Variants in XIRP2 observed in about 807,000 individuals in gnomAD.
XIRP2 encodes the protein xin actin binding repeat containing 2.
Under a neutral mutation model 277.0 loss-of-function variants are expected in XIRP2, and 236 were observed. The ratio of observed to expected loss-of-function variants is 0.85; its 90% CI spans 0.77 to 0.95. The LOEUF is 0.95. Ranked by LOEUF, XIRP2 falls within the 40% of genes least tolerant of loss-of-function variation. The pLI is 0.00. For synonymous variants in XIRP2, 1,490 were observed against 1,416.5 expected, an observed-to-expected ratio of 1.05 and a Z score of -1.17; for missense variants, 4,640 against 4,157.5, an observed-to-expected ratio of 1.12 and a Z score of -3.19.
At chr2:167,000,514 T>G (rs1484353497) in intron 2 of XIRP2, among the ~76,000 whole-genome samples, 7 of 115,018 alleles carry the variant, frequency 6.1e-5, no homozygotes, top group African/African-American at 1.5e-4. Context: ...GGTTTTTTTG[T>G]TTTTTTTTTT....
intron 2 of XIRP2, among the ~76,000 whole-genome samples, chr2:166,979,369 C>CTTTTTTTTTTTTTTTTTTTT (rs66909002): frequency 3.7e-5 from 4 of 108,510 alleles, no homozygotes; most frequent in Non-Finnish European, 7.6e-5. Context: ...CTTTTCTTTT[C>CTTTTTTTTTTTTTTTTTTTT]TTTTTTTTTT....
intron 2 of XIRP2, among the ~76,000 whole-genome samples, chr2:167,093,466 T>C (rs990491168): frequency 6.6e-6 from 1 of 151,974 alleles, no homozygotes; most frequent in Admixed American, 6.6e-5. Context: ...CTCCCTCCCT[T>C]TGCCCCCAAC....
At chr2:166,956,254 A>AT (rs1002994795) in intron 2 of XIRP2, among the ~76,000 whole-genome samples, 11 of 151,892 alleles carry the variant, frequency 7.2e-5, no homozygotes, top group Admixed American at 1.3e-4. Flanking sequence ...TATGATGAGC[A>AT]TTTTTTTGTG....
In XIRP2 at chr2:167,248,234, A is replaced by G. The variant is rs2105443486; in HGVS notation, c.6842A>G (p.Asn2281Ser). 6.2e-7 allele frequency: 1 copy of G among 1,613,636 alleles called. No homozygotes were observed. Among genetic ancestry groups the G allele is most frequent in the Non-Finnish European group, 8.5e-7 (1 of 1,179,734 alleles). The stretch of plus-strand genomic sequence containing the variant: ...CCAATCAACTTTAACCCTGAGAATA[A>G]TGTAAAAGAAAGTGAGTGCCCCCTT... ...LNPINFNPENNVKESECPLPP... is the reference protein window; with the variant it reads ...LNPINFNPENSVKESECPLPP... The change falls in exon 9 of 11, where the codon AAT (asparagine) becomes AGT (serine). Residue 2281 changes from asparagine to serine, a missense_variant. Asn to Ser is a conservative substitution (Grantham distance 46). Coordinates refer to ENST00000409195, the MANE Select transcript of XIRP2 (RefSeq NM_152381.6).
At chr2:166,963,564 T>C (rs902123502) in intron 2 of XIRP2, among the ~76,000 whole-genome samples, 2 of 151,840 alleles carry the variant, frequency 1.3e-5, no homozygotes, top group Non-Finnish European at 2.9e-5. Context: ...AGAAAAGATA[T>C]TTGAGCAGAG....
At chr2:167,087,391 T>TG (rs1689989499) in intron 2 of XIRP2, among the ~76,000 whole-genome samples, 1 of 103,582 alleles carries the variant, frequency 9.7e-6, no homozygotes, top group Admixed American at 1.1e-4. Flanking sequence ...TACTGCTGTC[T>TG]TTTTGTTTGT....
intron 5 of XIRP2, among the ~76,000 whole-genome samples, chr2:167,221,481 A>T (rs1341757953): frequency 1.3e-5 from 2 of 151,578 alleles, no homozygotes; most frequent in Non-Finnish European, 2.9e-5. Flanking sequence ...AAAAAAAAAA[A>T]AAAAGGAAAA....
chr2:166,959,506 A>G (rs76272066), intron 2 of XIRP2, among the ~76,000 whole-genome samples: 1,550 of 151,956 alleles, frequency 0.01, 31 homozygotes, highest in African/African-American at 0.035. Context: ...AGGAAAAGCT[A>G]TGAAGTGTTT....
chr2:167,174,960 G>T (rs770054142), intron 3 of XIRP2, among the ~76,000 whole-genome samples: 8 of 152,180 alleles, frequency 5.3e-5, no homozygotes, highest in East Asian at 1.9e-4. Context: ...TGTTTGTTAT[G>T]ATTTCCATTC....
At chr2:166,931,191 C>T (rs1459828705) in intron 2 of XIRP2, among the ~76,000 whole-genome samples, 1 of 152,112 alleles carries the variant, frequency 6.6e-6, no homozygotes, top group East Asian at 1.9e-4. Context: ...TAAACAAAGG[C>T]CCTCGTACTT....
intron 6 of XIRP2, among the ~76,000 whole-genome samples, 160 bp from the exon 7 acceptor site, chr2:167,240,504 A>T (rs1695031398): frequency 6.6e-6 from 1 of 152,180 alleles, no homozygotes; most frequent in African/African-American, 2.4e-5. Flanking sequence ...TTTATAAGCG[A>T]ATCTATGTAT....
chr2:167,042,440 G>T (rs1242211276), intron 2 of XIRP2, among the ~76,000 whole-genome samples: 4 of 152,026 alleles, frequency 2.6e-5, no homozygotes, highest in Non-Finnish European at 5.9e-5. Flanking sequence ...GCCTTAAAAA[G>T]ACCCATATCA....
At chr2:167,229,470 T>C (rs537897702) in intron 5 of XIRP2, among the ~76,000 whole-genome samples, 6 of 152,286 alleles carry the variant, frequency 3.9e-5, no homozygotes, top group South Asian at 2.1e-4. Flanking sequence ...AAATCATTAA[T>C]GTTATAGACT....
At chr2:167,016,055 C>G (rs1324552153) in intron 2 of XIRP2, among the ~76,000 whole-genome samples, 1 of 151,674 alleles carries the variant, frequency 6.6e-6, no homozygotes, top group Non-Finnish European at 1.5e-5. Context: ...TCTCCCCTTC[C>G]AAGCCTCCAA....
chr2:167,217,283 TA>T (rs201024264), intron 4 of XIRP2, among the ~76,000 whole-genome samples: 4,385 of 136,792 alleles, frequency 0.032, 146 homozygotes, highest in African/African-American at 0.089. Context: ...TAAAGTATAA[TA>T]AAAAAAAAAA....
chr2:166,903,874 C>G lies in XIRP2; in HGVS notation c.392C>G (p.Ala131Gly). Residue 131 changes from alanine to glycine, a missense_variant, in exon 2 of 11, where the codon GCT (alanine) becomes GGT (glycine). Ala to Gly is a moderately conservative substitution (Grantham distance 60). Transcript: ENST00000409195. ...GCTCCTAAGAGTGGAAACAAACCAG[C>G]TGAGTACGGTGGAAAGGTAAGGAGC... is the stretch of plus-strand genomic sequence containing the variant. ...FEAPKSGNKPAEYGGKEVEIE... is the reference protein window; with the variant it reads ...FEAPKSGNKPGEYGGKEVEIE... The G allele has an allele frequency of 1.2e-6, 2 of 1,612,936 alleles. No homozygotes were observed. The highest frequency in any genetic ancestry group is 1.7e-6 in the Non-Finnish European group (2 of 1,179,230).
intron 2 of XIRP2, among the ~76,000 whole-genome samples, chr2:167,090,643 A>G (rs891899363): frequency 3.3e-5 from 5 of 152,158 alleles, no homozygotes; most frequent in Admixed American, 3.3e-4. Flanking sequence ...GCCTAGGAGC[A>G]TGGCTCTGGG....
At chr2:167,206,569 C>T (rs1051453022) in intron 3 of XIRP2, among the ~76,000 whole-genome samples, 1 of 152,138 alleles carries the variant, frequency 6.6e-6, no homozygotes, top group African/African-American at 2.4e-5. Flanking sequence ...CCTCACAACC[C>T]GGACACTGTC....
intron 3 of XIRP2, among the ~76,000 whole-genome samples, chr2:167,189,404 A>T (rs1353936187): frequency 6.6e-6 from 1 of 152,222 alleles, no homozygotes; most frequent in Admixed American, 6.5e-5. Context: ...CAGCAGTGTA[A>T]TTCCAAGATT....
Sources: allele counts gnomAD v4.1 joint callset (sites outside exome capture counted in the v4.1 genomes callset), GRCh38; gene constraint gnomAD v4.1.1; transcripts MANE v1.5; gene names NCBI Gene and HGNC (gene_info 2026-07-23, HGNC 2026-07-21).